The following MTHFD1L variants were observed in gnomAD, a reference collection of about 807,000 sequenced individuals.
The protein encoded by MTHFD1L is monofunctional C1-tetrahydrofolate synthase, mitochondrial.
MTHFD1L carries 81 observed loss-of-function variants against 119.5 expected under a neutral mutation model. The observed-to-expected ratio is 0.68, with a 90% CI of 0.57 to 0.82. The LOEUF is 0.82. Among genes scored for constraint, MTHFD1L ranks in the 40% least tolerant of loss-of-function variants. The pLI is 0.00. For synonymous variants in MTHFD1L, 430 were observed against 475.2 expected, an observed-to-expected ratio of 0.90 and a Z score of 1.24; for missense variants, 1,125 against 1,253.4, an observed-to-expected ratio of 0.90 and a Z score of 1.55.
intron 11 of MTHFD1L, among the ~76,000 whole-genome samples, chr6:150,932,933 G>C (rs1378252989): frequency 6.6e-6 from 1 of 152,082 alleles, no homozygotes; most frequent in Non-Finnish European, 1.5e-5. Context: ...TTACCTTGGT[G>C]CTCATTCTTT....
chr6:151,006,362 C>T (rs544223236), intron 20 of MTHFD1L, among the ~76,000 whole-genome samples: 1 of 152,236 alleles, frequency 6.6e-6, no homozygotes, highest in Admixed American at 6.5e-5. Context: ...CAACAAGTAA[C>T]ATAGAGTATG....
At position 150,903,203 on chromosome 6, in the gene MTHFD1L, A is replaced by ATTCTT. The variant is rs1562348409; in HGVS notation, c.781-2445_781-2444insCTTTT. 7.8e-4 allele frequency among the ~76,000 whole-genome samples: 67 copies of ATTCTT among 85,480 alleles called. 10 individuals carry two copies. The highest frequency in any genetic ancestry group is 2.9e-3 in the African/African-American group (58 of 19,996). 56.1% of individuals were successfully genotyped at this position (85,480 alleles called of 152,430 possible). On this transcript the variant is annotated intron_variant, in intron 7 of 27. Coordinates refer to ENST00000367321, the MANE Select transcript of MTHFD1L (RefSeq NM_015440.5). ...GATTGCTGGTGATATTGGCTGCAAA[A>ATTCTT]TTTTTTTTTTTTTTTTTTTTTTTTT...
Position 151,090,927 on chromosome 6 carries a change from C to A in MTHFD1L, c.2848-1540C>A, listed in dbSNP as rs375337692. On this transcript the variant is annotated intron_variant, in intron 26 of 27. Transcript: ENST00000367321. ...CGACTGGGTGCAGCATCGTTCCATG[C>A]GACTGGGTGCAGCATCGTTCCATGC... Among the ~76,000 whole-genome samples, 22 of 95,822 alleles carry A rather than the reference C, an allele frequency of 2.3e-4. No individual in the cohort carries two copies. The East Asian group carries it at 3.3e-3, about 14-fold the overall frequency. The allele number at this position is 95,822 out of a possible 152,430, so 62.9% of individuals were successfully genotyped here.
chr6:151,066,487 C>T (rs568914847), intron 26 of MTHFD1L, among the ~76,000 whole-genome samples: 90 of 134,008 alleles, frequency 6.7e-4, no homozygotes, highest in African/African-American at 2.4e-3. Flanking sequence ...GTCCTTTAGC[C>T]GGGTGCGGTG....
intron 20 of MTHFD1L, among the ~76,000 whole-genome samples, chr6:150,981,669 T>C (rs1777516953): frequency 6.6e-6 from 1 of 152,220 alleles, no homozygotes. Context: ...CATGAATTCA[T>C]AAACTAGTCC....
chr6:150,905,973 T>G (rs1187173898), intron 8 of MTHFD1L, among the ~76,000 whole-genome samples: 2 of 152,180 alleles, frequency 1.3e-5, no homozygotes, highest in African/African-American at 2.4e-5. Flanking sequence ...GCTCCCACAG[T>G]GAAGTGCCCC....
intron 26 of MTHFD1L, among the ~76,000 whole-genome samples, chr6:151,052,136 C>T (rs768024080): frequency 3.9e-5 from 6 of 152,180 alleles, no homozygotes; most frequent in Non-Finnish European, 8.8e-5. Flanking sequence ...CAAACCGGCA[C>T]GGCAGTGAAG....
intron 24 of MTHFD1L, among the ~76,000 whole-genome samples, chr6:151,025,187 T>C (rs980549115): frequency 1.3e-5 from 2 of 152,232 alleles, no homozygotes; most frequent in Admixed American, 6.5e-5. Context: ...TCCCTACATG[T>C]AGGCGTCTTC....
chr6:151,013,801 A>G lies in MTHFD1L; in HGVS notation c.2288A>G (p.Lys763Arg), dbSNP rs751421713. The G allele has an allele frequency of 1.2e-6, 2 of 1,612,648 alleles. No individual in the cohort carries two copies. Among genetic ancestry groups the G allele is most frequent in the Non-Finnish European group, 8.5e-7 (1 of 1,178,960 alleles). Residue 763 changes from lysine to arginine, a missense_variant, in exon 22 of 28, where the codon AAG (lysine) becomes AGG (arginine). Transcript: ENST00000367321. ...CAGGTAACGGCTGGTGTTCCTCTTA[A>G]GAAAGAATATACAGAGGAGGTAAGA... ...GPSVTAGVPL[K>R]KEYTEENIQL...
chr6:151,058,528 A>G (rs9478934), intron 26 of MTHFD1L, among the ~76,000 whole-genome samples: 15,069 of 152,294 alleles, frequency 0.099, 1,148 homozygotes, highest in African/African-American at 0.21. Context: ...AGAGACGGCA[A>G]TTAGCCTACA....
At position 151,086,529 on chromosome 6, in the gene MTHFD1L, A is replaced by G. The variant is rs138480372; in HGVS notation, c.2848-5938A>G. ...TCCATCTTTACTCATCTGTTTTTTT[A>G]AATATTAATTATTTTTTTGAGACAG... On this transcript the variant is annotated intron_variant, in intron 26 of 27. Transcript: ENST00000367321. Among the ~76,000 whole-genome samples, 137 of 152,128 alleles carry G rather than the reference A, an allele frequency of 9.0e-4. 2 individuals are homozygous for G. Among genetic ancestry groups the G allele is most frequent in the African/African-American group, 3.2e-3 (132 of 41,506 alleles).
intron 16 of MTHFD1L, among the ~76,000 whole-genome samples, chr6:150,953,800 A>T (rs1300445977): frequency 1.3e-5 from 2 of 152,190 alleles, no homozygotes; most frequent in South Asian, 2.1e-4. Context: ...TGATAAAAAG[A>T]TTCCCTCAAT....
chr6:150,890,096 C>T (rs1205559642), intron 7 of MTHFD1L, among the ~76,000 whole-genome samples: 6 of 151,650 alleles, frequency 4.0e-5, no homozygotes, highest in Non-Finnish European at 5.9e-5. Flanking sequence ...GCAGAGGTTG[C>T]GGTGAGCCGA....
intron 27 of MTHFD1L, chr6:151,099,395 C>G (rs919827106): frequency 2.9e-5 from 19 of 660,624 alleles, no homozygotes; most frequent in Non-Finnish European, 4.8e-5. Context: ...CATTGACCCT[C>G]AGGTCAAGGG....
chr6:151,025,733 T>A lies in MTHFD1L; in HGVS notation c.2587-8760T>A, dbSNP rs138839273. Among the ~76,000 whole-genome samples the A allele has an allele frequency of 3.5e-4, 53 of 152,342 alleles. 1 individual carries two copies. In the East Asian group the frequency reaches 9.2e-3, roughly 27 times the overall value. On this transcript the variant is annotated intron_variant, in intron 24 of 27. Transcript: ENST00000367321. ...AAAGAACCATGTATTTGTCATTCAC[T>A]GTGGCCCCCGATGTATGCCAACGAC...
At chr6:151,025,212 G>A (rs956382914) in intron 24 of MTHFD1L, among the ~76,000 whole-genome samples, 4 of 152,216 alleles carry the variant, frequency 2.6e-5, no homozygotes, top group Non-Finnish European at 4.4e-5. Flanking sequence ...TGAACCTGTT[G>A]CTCAGGGCCC....
chr6:150,871,954 T>G (rs1191807443), intron 1 of MTHFD1L, among the ~76,000 whole-genome samples: 1 of 152,016 alleles, frequency 6.6e-6, no homozygotes, highest in Non-Finnish European at 1.5e-5. Context: ...CTCTGCTCAC[T>G]GCAACCTCTG....
intron 7 of MTHFD1L, 105 bp from the exon 8 acceptor site, chr6:150,905,544 CA>C: frequency 2.5e-6 from 2 of 794,404 alleles, no homozygotes; most frequent in Non-Finnish European, 4.3e-6. Context: ...CAGCTTGGAA[CA>C]AAGCTGTGGA....
At chr6:150,916,737 CTTTTTTTTTTTTTTTTTTTTTTTTTTTTT>C (rs57961829) in intron 8 of MTHFD1L, among the ~76,000 whole-genome samples, 4 of 72,134 alleles carry the variant, frequency 5.5e-5, no homozygotes, top group East Asian at 5.0e-4. Flanking sequence ...GATTCTATCC[CTTTTTTTTTTTTTTTTTTTTTTTTTTTTT>C]TTTTTTTTTT....
Sources: gnomAD v4.1 joint callset for allele counts (sites outside exome capture counted in the v4.1 genomes callset) on GRCh38, gnomAD v4.1.1 for gene constraint, MANE v1.5 for transcripts, NCBI Gene and HGNC (gene_info 2026-07-23, HGNC 2026-07-21) for gene names.